CACNA1D: variants seen among roughly 807,000 people sequenced by gnomAD.
The protein encoded by CACNA1D is voltage-dependent L-type calcium channel subunit alpha-1D.
In CACNA1D, 55 loss-of-function variants were observed where a neutral mutation model predicts 257.1. The observed-to-expected ratio is 0.21, with a 90% confidence interval of 0.17 to 0.27. The LOEUF (loss-of-function observed/expected upper bound fraction) is 0.27, where lower values mean the gene tolerates loss of function less well. CACNA1D is among the 10% of genes least tolerant of loss of function. CACNA1D has a pLI of 1.00. For missense variants in CACNA1D, 1,876 were observed against 2,784.0 expected (o/e 0.67, Z 7.34); for synonymous variants, 980 against 1,014.9 (o/e 0.97, Z 0.65).
chr3:53,711,591 T>C (rs1347126609), intron 9 of CACNA1D, among the ~76,000 whole-genome samples: 1 of 152,170 alleles, frequency 6.6e-6, no homozygotes, highest in Admixed American at 6.5e-5. Context: ...TTTAAGGAGA[T>C]TCAGACAGCA....
At chr3:53,596,215 C>G (rs2093367606) in intron 3 of CACNA1D, among the ~76,000 whole-genome samples, 1 of 152,054 alleles carries the variant, frequency 6.6e-6, no homozygotes, top group South Asian at 2.1e-4. Context: ...TCTGGACATC[C>G]CTAGGCTCAC....
At chr3:53,725,372 C>T (rs1195590835) in intron 14 of CACNA1D, among the ~76,000 whole-genome samples, 1 of 152,182 alleles carries the variant, frequency 6.6e-6, no homozygotes, top group Non-Finnish European at 1.5e-5. Context: ...GCATTGAGTT[C>T]TGTCTGGTCT....
intron 40 of CACNA1D, chr3:53,791,010 G>T (rs1309389103): frequency 1.4e-6 from 1 of 702,272 alleles, no homozygotes; most frequent in Non-Finnish European, 2.6e-6. Flanking sequence ...AGAATTTTCT[G>T]CCTGAGCTAC....
chr3:53,730,245 C>CTTTTG (rs139366806), intron 15 of CACNA1D, among the ~76,000 whole-genome samples, 197 bp from the exon 16 acceptor site: 1,679 of 151,284 alleles, frequency 0.011, 13 homozygotes, highest in African/African-American at 0.029. Context: ...CAGGTTTTTA[C>CTTTTG]TTTTGTTTTG....
chr3:53,547,667 G>A (rs1400174219), intron 3 of CACNA1D, among the ~76,000 whole-genome samples: 2 of 152,204 alleles, frequency 1.3e-5, no homozygotes, highest in African/African-American at 4.8e-5. Context: ...GTTTCTCCGA[G>A]GAGGCACATT....
At chr3:53,499,336 G>A (rs1210854322) in intron 2 of CACNA1D, among the ~76,000 whole-genome samples, 4 of 151,790 alleles carry the variant, frequency 2.6e-5, no homozygotes, top group Non-Finnish European at 5.9e-5. Flanking sequence ...TTTTTTTAAT[G>A]ACAGTTTCCT....
In CACNA1D at chr3:53,495,063, G is replaced by A; in HGVS notation, c.-104G>A. 1 of 693,420 alleles carries A rather than the reference G, an allele frequency of 1.4e-6. No individual in the cohort carries two copies. The highest frequency in any genetic ancestry group is 2.5e-6 in the Non-Finnish European group (1 of 396,636). The allele number at this position is 693,420 out of a possible 1,614,324, so 43.0% of individuals were successfully genotyped here. On this transcript the variant is annotated 5_prime_UTR_variant, in exon 1 of 48. Coordinates refer to ENST00000350061, the MANE Select transcript of CACNA1D (RefSeq NM_001128840.3). The surrounding 1 kb of genome is among the most constrained non-coding windows in gnomAD (Gnocchi z 5.1). ...CTGCTGAAGCGAGAATAAGGGCAGG[G>A]ACCGCGGCTCCTACCTCTTGGTGAT... is the stretch of plus-strand genomic sequence containing the variant.
At chr3:53,772,025 G>A (rs2095369094) in intron 32 of CACNA1D, among the ~76,000 whole-genome samples, 2 of 152,244 alleles carry the variant, frequency 1.3e-5, no homozygotes, top group African/African-American at 4.8e-5. Flanking sequence ...TTAAGCATGT[G>A]TTCCCAGAAT....
chr3:53,793,963 C>T lies in CACNA1D; in HGVS notation c.4924-6286C>T, dbSNP rs2095496309. Among the ~76,000 whole-genome samples, 1 of 152,220 alleles carries T rather than the reference C, an allele frequency of 6.6e-6. No homozygotes were observed. Among genetic ancestry groups the T allele is most frequent in the Non-Finnish European group, 1.5e-5 (1 of 68,046 alleles). ...AGCATCCATAGGCTAAACTCTTCAG[C>T]TCCTGGATAGAAGATGAGAGGCAGG... is the stretch of plus-strand genomic sequence containing the variant. On this transcript the variant is annotated intron_variant, in intron 40 of 47. Transcript: ENST00000350061. The surrounding 1 kb of genome is among the most constrained non-coding windows in gnomAD (Gnocchi z 4.1).
chr3:53,713,839 G>A (rs559972120), intron 9 of CACNA1D, among the ~76,000 whole-genome samples: 2 of 152,224 alleles, frequency 1.3e-5, no homozygotes, highest in South Asian at 4.2e-4. Flanking sequence ...TTACAGTCTG[G>A]GACATGCAGG....
chr3:53,674,159 T>C (rs745646228), intron 8 of CACNA1D: 2 of 423,832 alleles, frequency 4.7e-6, no homozygotes, highest in African/African-American at 4.0e-5. Context: ...ATTTTGTGTC[T>C]ATTAGTACAT....
intron 29 of CACNA1D, among the ~76,000 whole-genome samples, chr3:53,755,281 G>C (rs2095256189): frequency 6.6e-6 from 1 of 152,158 alleles, no homozygotes; most frequent in Non-Finnish European, 1.5e-5. Flanking sequence ...TTGAAAGCTT[G>C]CTCTAGGCTG....
chr3:53,709,527 G>A (rs983339091), intron 9 of CACNA1D, among the ~76,000 whole-genome samples: 2 of 152,212 alleles, frequency 1.3e-5, no homozygotes, highest in African/African-American at 4.8e-5. Flanking sequence ...TTAGGAACGT[G>A]AGTATTCTGC....
intron 43 of CACNA1D, among the ~76,000 whole-genome samples, chr3:53,802,993 C>CA (rs2095543776): frequency 6.6e-6 from 1 of 152,090 alleles, no homozygotes. Context: ...GGTCAGTGGC[C>CA]AGGAAGCTCC....
chr3:53,677,244 C>T (rs934295921), intron 8 of CACNA1D, among the ~76,000 whole-genome samples: 3 of 152,084 alleles, frequency 2.0e-5, no homozygotes, highest in African/African-American at 4.8e-5. Context: ...AGATGGGGGA[C>T]GCCCTAGGCT....
At chr3:53,546,291 C>T (rs2092411116) in intron 3 of CACNA1D, among the ~76,000 whole-genome samples, 1 of 152,130 alleles carries the variant, frequency 6.6e-6, no homozygotes, top group Admixed American at 6.5e-5. Context: ...GGGGAACCGG[C>T]AGCTGGATTT....
chr3:53,618,385 G>C (rs1410299595), intron 3 of CACNA1D, among the ~76,000 whole-genome samples: 2 of 152,206 alleles, frequency 1.3e-5, no homozygotes, highest in Non-Finnish European at 2.9e-5. Context: ...CTGATGCGGA[G>C]ACTTCCCTGG....
intron 8 of CACNA1D, among the ~76,000 whole-genome samples, chr3:53,690,214 G>C (rs2108512929): frequency 6.6e-6 from 1 of 152,316 alleles, no homozygotes; most frequent in South Asian, 2.1e-4. Context: ...TCTGGTGAGA[G>C]GAAACCCGCT....
chr3:53,615,152 T>G (rs1474904349), intron 3 of CACNA1D, among the ~76,000 whole-genome samples: 1 of 152,202 alleles, frequency 6.6e-6, no homozygotes, highest in Non-Finnish European at 1.5e-5. Context: ...ATCTATTTTA[T>G]GTGTCCCCTG....
Sources: allele counts gnomAD v4.1 joint callset (sites outside exome capture counted in the v4.1 genomes callset), GRCh38; gene constraint gnomAD v4.1.1; non-coding constraint Gnocchi (gnomAD v3.1); transcripts MANE v1.5; gene names NCBI Gene and HGNC (gene_info 2026-07-23, HGNC 2026-07-21).